The following ZBTB43 variants were observed in gnomAD, a reference collection of about 807,000 sequenced individuals.
ZBTB43 encodes zinc finger and BTB domain-containing protein 43.
Under a neutral mutation model 31.1 loss-of-function variants are expected in ZBTB43, and 6 were observed. The observed-to-expected ratio is 0.19, with a 90% confidence interval of 0.11 to 0.38. The LOEUF (loss-of-function observed/expected upper bound fraction) is 0.38, where lower values mean the gene tolerates loss of function less well. ZBTB43 is among the 10% of genes least tolerant of loss of function. The pLI is 1.00. For synonymous variants in ZBTB43, 212 were observed against 221.7 expected (o/e 0.96, Z 0.39); for missense variants, 379 against 602.1 (o/e 0.63, Z 3.88).
chr9:126,835,627 G>A lies in ZBTB43; in HGVS notation c.*1714G>A, dbSNP rs2032863103. The A allele has an allele frequency of 6.0e-6, 1 of 166,844 alleles. No individual in the cohort carries two copies. Among genetic ancestry groups the A allele is most frequent in the Non-Finnish European group, 1.5e-5 (1 of 68,078 alleles). 10.3% of individuals were successfully genotyped at this position (166,844 alleles called of 1,614,324 possible). ...AATACTTATTTACCAGTTAACTCTT[G>A]TAAGCAAGATTACAAACAGGGATTT... On this transcript the variant is annotated 3_prime_UTR_variant, in exon 3 of 3. Transcript: ENST00000373464.
chr9:126,819,645 A>G (rs7868533), intron 2 of ZBTB43, among the ~76,000 whole-genome samples: 1 of 152,002 alleles, frequency 6.6e-6, no homozygotes, highest in Non-Finnish European at 1.5e-5. Flanking sequence ...ATTTAGGCCA[A>G]TTAATAAACC....
rs185489035 is a variant in ZBTB43, at chr9:126,821,176, C to T, written c.-23-11311C>T. 4.8e-3 allele frequency among the ~76,000 whole-genome samples: 731 copies of T among 151,948 alleles called. 1 individual carries two copies. Among genetic ancestry groups the T allele is most frequent in the Non-Finnish European group, 7.8e-3 (533 of 67,950 alleles). ...TTGAGGTCAGGAGTTTGAAACCAGC[C>T]TAGCCAACATGGTAAAACCCTGTCT... On this transcript the variant is annotated intron_variant, in intron 2 of 2. Coordinates refer to ENST00000373464, the MANE Select transcript of ZBTB43 (RefSeq NM_014007.4).
Position 126,836,766 on chromosome 9 carries a change from T to G in ZBTB43, c.*2853T>G, listed in dbSNP as rs370351761. The G allele has an allele frequency of 4.8e-5, 8 of 167,108 alleles. No individual in the cohort carries two copies. Among genetic ancestry groups the G allele is most frequent in the African/African-American group, 1.9e-4 (8 of 41,514 alleles). 10.4% of individuals were successfully genotyped at this position (167,108 alleles called of 1,614,324 possible). ...AGTCTTAACTGTGGTTTTTCTTCAA[T>G]CCCCATGGGAAAGGGCTTCAAGGCA... On this transcript the variant is annotated 3_prime_UTR_variant, in exon 3 of 3. Coordinates refer to ENST00000373464, the MANE Select transcript of ZBTB43 (RefSeq NM_014007.4).
At chr9:126,816,853 TG>T (rs981926995) in intron 2 of ZBTB43, among the ~76,000 whole-genome samples, 15 of 152,222 alleles carry the variant, frequency 9.9e-5, no homozygotes, top group African/African-American at 3.6e-4. Flanking sequence ...ACCTCCTTCC[TG>T]GGGCTACGGA....
At chr9:126,824,209 T>G (rs2032580235) in intron 2 of ZBTB43, among the ~76,000 whole-genome samples, 1 of 152,180 alleles carries the variant, frequency 6.6e-6, no homozygotes, top group Non-Finnish European at 1.5e-5. Flanking sequence ...GGTTTTTTGG[T>G]AGAAATGGGG....
chr9:126,822,038 G>A (rs780485723), intron 2 of ZBTB43, among the ~76,000 whole-genome samples: 1 of 152,014 alleles, frequency 6.6e-6, no homozygotes, highest in Non-Finnish European at 1.5e-5. Flanking sequence ...TGTATTTTTA[G>A]TAGAGACAGG....
intron 2 of ZBTB43, among the ~76,000 whole-genome samples, chr9:126,818,307 A>G (rs937453105): frequency 2.8e-4 from 42 of 149,938 alleles, no homozygotes; most frequent in African/African-American, 9.8e-4. Flanking sequence ...ATATATATAT[A>G]TATATATTTA....
rs2032827141 is a variant in ZBTB43, at chr9:126,833,990, C to T, written c.*77C>T. The stretch of plus-strand genomic sequence containing the variant: ...AATGCAAATCTGGGCACAGATGATG[C>T]GTGCTACTTGCTATTATGAGAGAAG... On this transcript the variant is annotated 3_prime_UTR_variant, in exon 3 of 3. Transcript: ENST00000373464. The surrounding 1 kb of genome is among the most constrained non-coding windows in gnomAD (Gnocchi z 7.9). 2.2e-6 allele frequency: 3 copies of T among 1,365,930 alleles called. No homozygotes were observed. The highest frequency in any genetic ancestry group is 1.7e-5 in the South Asian group (1 of 58,784). The allele number at this position is 1,365,930 out of a possible 1,614,324, so 84.6% of individuals were successfully genotyped here.
intron 2 of ZBTB43, among the ~76,000 whole-genome samples, chr9:126,823,159 A>G (rs2032552481): frequency 1.3e-5 from 2 of 152,150 alleles, no homozygotes; most frequent in South Asian, 2.1e-4. Flanking sequence ...CTATTTCCTT[A>G]TAGATCTTCT....
rs2032184150 is a variant in ZBTB43, at chr9:126,808,888, C to T, written c.-51C>T. ...TTTGATGGCCATGGCATAAGGAACT[C>T]TATCCCAGGAATACAGCTTTGCATT... On this transcript the variant is annotated 5_prime_UTR_variant, in exon 2 of 3. Transcript: ENST00000373464. 1 of 152,166 alleles carries T rather than the reference C, an allele frequency of 6.6e-6. No individual in the cohort carries two copies. Among genetic ancestry groups the T allele is most frequent in the Admixed American group, 6.5e-5 (1 of 15,270 alleles). 9.4% of individuals were successfully genotyped at this position (152,166 alleles called of 1,614,324 possible).
chr9:126,837,195 TAA>T lies in ZBTB43; in HGVS notation c.*3283_*3284del, dbSNP rs1301454072. The T allele has an allele frequency of 6.0e-6, 1 of 167,010 alleles. No individual in the cohort carries two copies. Among genetic ancestry groups the T allele is most frequent in the Non-Finnish European group, 1.5e-5 (1 of 68,118 alleles). The allele number at this position is 167,010 out of a possible 1,614,324, so 10.3% of individuals were successfully genotyped here. Reference sequence around the variant, plus strand: ...CACGTGGTGAAGTGCATGTCACCGTTAACTAAGGAAGGACTGCGGTAACTTAC... The same window carrying T: ...CACGTGGTGAAGTGCATGTCACCGTTCTAAGGAAGGACTGCGGTAACTTAC... On this transcript the variant is annotated 3_prime_UTR_variant, in exon 3 of 3. Coordinates refer to ENST00000373464, the MANE Select transcript of ZBTB43 (RefSeq NM_014007.4).
chr9:126,825,098 C>T (rs540617320), intron 2 of ZBTB43, among the ~76,000 whole-genome samples: 1 of 152,228 alleles, frequency 6.6e-6, no homozygotes, highest in East Asian at 1.9e-4. Context: ...ATGCATGCCA[C>T]CATGCCTGGC....
chr9:126,830,845 G>A (rs576849723), intron 2 of ZBTB43, among the ~76,000 whole-genome samples: 41 of 151,552 alleles, frequency 2.7e-4, no homozygotes, highest in African/African-American at 9.2e-4. Flanking sequence ...TGTTTCTAAT[G>A]CTTGACTTAC....
rs1554742745 is a variant in ZBTB43 at position 126,828,654 on chromosome 9, A to ATTATTATTATT, written c.-23-3833_-23-3832insTTATTATTATT. Among the ~76,000 whole-genome samples, 406 of 127,696 alleles carry ATTATTATTATT rather than the reference A, an allele frequency of 3.2e-3. 2 individuals carry two copies. Among genetic ancestry groups the ATTATTATTATT allele is most frequent in the African/African-American group, 0.012 (387 of 31,876 alleles). The allele number at this position is 127,696 out of a possible 152,430, so 83.8% of individuals were successfully genotyped here. On this transcript the variant is annotated intron_variant, in intron 2 of 2. Coordinates refer to ENST00000373464, the MANE Select transcript of ZBTB43 (RefSeq NM_014007.4). ...AAATAATAATAATAATAATAATAAT[A>ATTATTATTATT]ATTATTATTATTATTATTATTATTT...
At chr9:126,828,660 T>A (rs576234179) in intron 2 of ZBTB43, among the ~76,000 whole-genome samples, 115 of 145,306 alleles carry the variant, frequency 7.9e-4, no homozygotes, top group African/African-American at 1.4e-3. Flanking sequence ...TAATAATTAT[T>A]ATTATTATTA....
chr9:126,814,306 A>ATG (rs1554740820), intron 2 of ZBTB43, among the ~76,000 whole-genome samples: 2 of 150,806 alleles, frequency 1.3e-5, no homozygotes, highest in Non-Finnish European at 3.0e-5. Flanking sequence ...ATTTTTACAG[A>ATG]TGAAATTTAC....
In ZBTB43 at chr9:126,833,126, T is replaced by A; in HGVS notation, c.617T>A (p.Leu206Gln). 6.2e-7 allele frequency: 1 copy of A among 1,614,026 alleles called. No homozygotes were observed. Among genetic ancestry groups the A allele is most frequent in the Non-Finnish European group, 8.5e-7 (1 of 1,180,022 alleles). The change falls in exon 3 of 3, where the codon CTG becomes CAG. Residue 206 changes from leucine to glutamine, a missense_variant. By Grantham distance (113) the Leu-to-Gln change is moderately radical (BLOSUM62 -2). Transcript: ENST00000373464. The surrounding 1 kb of genome is among the most constrained non-coding windows in gnomAD (Gnocchi z 7.9). ...PSNSSTEHDR[L>Q]STEMASQDGE... ...AACTCGTCCACAGAGCATGACCGCC[T>A]GAGCACGGAAATGGCAAGCCAGGAT...
Position 126,832,612 on chromosome 9 carries a change from G to A in ZBTB43, c.103G>A (p.Val35Ile), listed in dbSNP as rs1388119939. ...GCGCCAGCAAGGACAATTATGTGAC[G>A]TCTCCATTGTTGTCCAAGGCCACAT... ...QQRQQGQLCDVSIVVQGHIFR... is the reference protein window; with the variant it reads ...QQRQQGQLCDISIVVQGHIFR... Residue 35 changes from valine (V) to isoleucine (I), a missense_variant, in exon 3 of 3, where the codon GTC becomes ATC. Around this residue, in one of 5 missense-constraint regions of ZBTB43, gnomAD observed 79 missense variants for 134.4 expected, o/e 0.59. Coordinates refer to ENST00000373464, the MANE Select transcript of ZBTB43 (RefSeq NM_014007.4). 4.3e-6 allele frequency: 7 copies of A among 1,614,074 alleles called. No individual in the cohort carries two copies. Among genetic ancestry groups the A allele is most frequent in the South Asian group, 3.3e-5 (3 of 91,068 alleles).
intron 2 of ZBTB43, among the ~76,000 whole-genome samples, chr9:126,813,759 GT>G (rs1048388585): frequency 6.6e-6 from 1 of 151,788 alleles, no homozygotes; most frequent in African/African-American, 2.4e-5. Flanking sequence ...GGCTTGTAGG[GT>G]TTTTTTTGTT....
Sources: allele counts gnomAD v4.1 joint callset (sites outside exome capture counted in the v4.1 genomes callset), GRCh38; gene constraint gnomAD v4.1.1; regional missense constraint gnomAD v4.1.1; non-coding constraint Gnocchi (gnomAD v3.1); transcripts MANE v1.5; gene names NCBI Gene and HGNC (gene_info 2026-07-23, HGNC 2026-07-21).